UMAD1: variants seen among roughly 807,000 people sequenced by gnomAD.
UMAD1 encodes the protein UBAP1-MVB12-associated (UMA)-domain containing protein 1.
UMAD1 carries 8 observed loss-of-function variants against 6.1 expected under a neutral mutation model. The observed-to-expected ratio is 1.30, with a 90% CI of 0.76 to 2.35. UMAD1 has a LOEUF of 2.35. UMAD1 is among the 30% of genes most tolerant of loss of function. The pLI is 0.00. For missense variants in UMAD1, 130 were observed against 78.4 expected (o/e 1.66, Z -2.49); for synonymous variants, 56 against 31.4 (o/e 1.78, Z -2.61).
intron 3 of UMAD1, among the ~76,000 whole-genome samples, chr7:7,818,979 A>C (rs1292169354): frequency 6.6e-6 from 1 of 152,022 alleles, no homozygotes; most frequent in Non-Finnish European, 1.5e-5. Flanking sequence ...CCTCCCAAGT[A>C]GCTGGGATTG....
At chr7:7,813,510 T>C (rs1239529065) in intron 3 of UMAD1, among the ~76,000 whole-genome samples, 2 of 152,196 alleles carry the variant, frequency 1.3e-5, no homozygotes, top group African/African-American at 4.8e-5. Context: ...AGCCCCTTTT[T>C]CTGCCTTTTT....
At chr7:7,717,768 C>G (rs992664567) in intron 2 of UMAD1, among the ~76,000 whole-genome samples, 9 of 152,128 alleles carry the variant, frequency 5.9e-5, no homozygotes, top group African/African-American at 2.2e-4. Flanking sequence ...GAACTCTGGC[C>G]TGGATGAGAG....
intron 2 of UMAD1, among the ~76,000 whole-genome samples, chr7:7,796,779 C>T (rs1297885325): frequency 1.3e-5 from 2 of 152,038 alleles, no homozygotes; most frequent in African/African-American, 2.4e-5. Flanking sequence ...AAGAGAATAC[C>T]GTTTCTTCAT....
intron 2 of UMAD1, among the ~76,000 whole-genome samples, chr7:7,706,686 C>A (rs1322855735): frequency 1.3e-5 from 2 of 152,070 alleles, no homozygotes; most frequent in Non-Finnish European, 2.9e-5. Context: ...ATTTCTAACT[C>A]ACAGATGGGA....
intron 2 of UMAD1, among the ~76,000 whole-genome samples, chr7:7,694,513 C>A (rs575799529): frequency 2.9e-4 from 44 of 152,198 alleles, no homozygotes; most frequent in Middle Eastern, 6.8e-3. Flanking sequence ...CATTAACCAT[C>A]TCCATTCCCC....
At chr7:7,786,577 G>T (rs893721874) in intron 2 of UMAD1, among the ~76,000 whole-genome samples, 2 of 151,528 alleles carry the variant, frequency 1.3e-5, no homozygotes, top group African/African-American at 4.9e-5. Context: ...CCCACCCCCC[G>T]TAAGCCTTGT....
At chr7:7,809,280 A>G (rs2115282073) in intron 3 of UMAD1, among the ~76,000 whole-genome samples, 1 of 152,120 alleles carries the variant, frequency 6.6e-6, no homozygotes. Context: ...ATATTGTACA[A>G]TTGTAAACAA....
intron 1 of UMAD1, among the ~76,000 whole-genome samples, chr7:7,646,307 G>GA (rs35884759): frequency 6.6e-6 from 1 of 151,426 alleles, no homozygotes; most frequent in Admixed American, 6.6e-5. Context: ...GTTTGGCTGT[G>GA]CCCCACTCAA....
At chr7:7,719,509 C>G (rs1287862567) in intron 2 of UMAD1, among the ~76,000 whole-genome samples, 1 of 152,096 alleles carries the variant, frequency 6.6e-6, no homozygotes, top group Admixed American at 6.6e-5. Flanking sequence ...GGTGATGATG[C>G]AATCTGATTA....
intron 3 of UMAD1, among the ~76,000 whole-genome samples, chr7:7,827,335 A>G (rs568132874): frequency 2.8e-4 from 42 of 152,238 alleles, no homozygotes; most frequent in African/African-American, 8.7e-4. Context: ...GAAGGTCTGC[A>G]AAAGGTAGAT....
rs540851639 is a variant in UMAD1 at position 7,799,986 on chromosome 7, T to G, written c.83-1684T>G. ...GCAACCTCCGCCTCCTGGGTTCAAG[T>G]GATTCTCCTGCCTCAGCCTCCTGAG... On this transcript the variant is annotated intron_variant, in intron 2 of 3. Coordinates refer to ENST00000682710, the MANE Select transcript of UMAD1 (RefSeq NM_001302348.2). 3.3e-5 allele frequency among the ~76,000 whole-genome samples: 5 copies of G among 152,258 alleles called. No individual in the cohort carries two copies. In the South Asian group the frequency reaches 1.0e-3, roughly 32 times the overall value.
chr7:7,785,062 T>C (rs1267866220), intron 2 of UMAD1, among the ~76,000 whole-genome samples: 1 of 152,224 alleles, frequency 6.6e-6, no homozygotes, highest in African/African-American at 2.4e-5. Flanking sequence ...TGTATGGTCA[T>C]TTCCAAGTGT....
At chr7:7,798,922 T>C (rs1488570115) in intron 2 of UMAD1, among the ~76,000 whole-genome samples, 2 of 152,346 alleles carry the variant, frequency 1.3e-5, no homozygotes, top group African/African-American at 4.8e-5. Context: ...AAAGCCTATA[T>C]GAAAGGTAAG....
chr7:7,711,515 G>A (rs1563144887), intron 2 of UMAD1, among the ~76,000 whole-genome samples: 2 of 152,056 alleles, frequency 1.3e-5, no homozygotes, highest in Non-Finnish European at 1.5e-5. Flanking sequence ...TTTTTAACAT[G>A]TAATACTGTG....
chr7:7,727,952 T>C (rs1781172275), intron 2 of UMAD1, among the ~76,000 whole-genome samples: 1 of 151,912 alleles, frequency 6.6e-6, no homozygotes, highest in African/African-American at 2.4e-5. Context: ...GATTTAATAC[T>C]CCTTAATAAA....
chr7:7,705,355 T>C (rs1490121250), intron 2 of UMAD1, among the ~76,000 whole-genome samples: 1 of 152,186 alleles, frequency 6.6e-6, no homozygotes, highest in Non-Finnish European at 1.5e-5. Context: ...ACCTACATTA[T>C]TAGAGTGCTT....
chr7:7,719,020 A>G (rs1780988618), intron 2 of UMAD1, among the ~76,000 whole-genome samples: 2 of 152,194 alleles, frequency 1.3e-5, no homozygotes, highest in Admixed American at 1.3e-4. Flanking sequence ...TTGAAATTTT[A>G]AAAAACATAT....
At chr7:7,779,163 TGAA>T (rs1308489506) in intron 2 of UMAD1, among the ~76,000 whole-genome samples, 3 of 152,342 alleles carry the variant, frequency 2.0e-5, no homozygotes, top group African/African-American at 7.2e-5. Context: ...TGAAGTATTT[TGAA>T]GTGAGAGATA....
At chr7:7,840,243 C>T (rs930419545) in intron 3 of UMAD1, among the ~76,000 whole-genome samples, 3 of 151,874 alleles carry the variant, frequency 2.0e-5, no homozygotes, top group South Asian at 2.1e-4. Context: ...ATACCCAGCT[C>T]GGTTGAAAGA....
Sources: allele counts gnomAD v4.1 joint callset (sites outside exome capture counted in the v4.1 genomes callset), GRCh38; gene constraint gnomAD v4.1.1; transcripts MANE v1.5; gene names NCBI Gene and HGNC (gene_info 2026-07-23, HGNC 2026-07-21).